The following SUMF1 variants were observed in gnomAD, a reference collection of about 807,000 sequenced individuals.
SUMF1 encodes the protein formylglycine-generating enzyme.
SUMF1 carries 48 observed loss-of-function variants against 47.6 expected under a neutral mutation model. That is an observed-to-expected ratio of 1.01 (90% CI 0.80 to 1.28). SUMF1 has a LOEUF of 1.28. SUMF1 is among the 50% of genes most tolerant of loss of function. The pLI is 0.00. For synonymous variants in SUMF1, 230 were observed against 192.1 expected, an observed-to-expected ratio of 1.20 and a Z score of -1.63; for missense variants, 571 against 485.4, an observed-to-expected ratio of 1.18 and a Z score of -1.66.
intron 8 of SUMF1, among the ~76,000 whole-genome samples, chr3:4,220,597 T>G (rs991061947): frequency 6.6e-6 from 1 of 152,078 alleles, no homozygotes; most frequent in African/African-American, 2.4e-5. Flanking sequence ...GGTGGTCAAG[T>G]GTTCTTGGAT....
intron 8 of SUMF1, among the ~76,000 whole-genome samples, chr3:4,326,838 G>GAT (rs1282290800): frequency 1.3e-5 from 2 of 151,920 alleles, no homozygotes; most frequent in African/African-American, 4.8e-5. Context: ...GGCTTTTATT[G>GAT]GCTCTCTAAC....
chr3:4,244,525 G>C (rs1696616955), intron 8 of SUMF1, among the ~76,000 whole-genome samples: 1 of 152,142 alleles, frequency 6.6e-6, no homozygotes, highest in African/African-American at 2.4e-5. Context: ...AAGCTTAGTT[G>C]GCTGGATATG....
intron 8 of SUMF1, among the ~76,000 whole-genome samples, chr3:4,135,746 C>A (rs770539946): frequency 1.9e-4 from 29 of 152,172 alleles, no homozygotes; most frequent in Non-Finnish European, 3.7e-4. Flanking sequence ...AGCCCAAAAT[C>A]TCCTTCAGCT....
intron 9 of SUMF1, among the ~76,000 whole-genome samples, chr3:4,045,974 C>T (rs1694998857): frequency 6.6e-6 from 1 of 152,094 alleles, no homozygotes. Flanking sequence ...TTGCTTGAGG[C>T]CAAGAGTCTG....
At chr3:4,285,667 T>G (rs1697618953) in intron 8 of SUMF1, among the ~76,000 whole-genome samples, 1 of 152,136 alleles carries the variant, frequency 6.6e-6, no homozygotes, top group Admixed American at 6.5e-5. Context: ...GAGGATGCAT[T>G]TTGGGCCTTA....
chr3:4,119,426 C>T (rs953263344), intron 8 of SUMF1, among the ~76,000 whole-genome samples: 12 of 152,112 alleles, frequency 7.9e-5, no homozygotes, highest in Non-Finnish European at 1.6e-4. Flanking sequence ...TTAATATACA[C>T]AGAACCTGTG....
intron 3 of SUMF1, among the ~76,000 whole-genome samples, chr3:4,421,655 T>TG (rs1489500789): frequency 7.2e-5 from 11 of 152,248 alleles, no homozygotes; most frequent in Admixed American, 4.6e-4. Flanking sequence ...AAATTTTTTG[T>TG]ATTTTTTTGT....
intron 9 of SUMF1, among the ~76,000 whole-genome samples, chr3:4,060,554 G>A (rs1456002228): frequency 2.6e-5 from 4 of 152,140 alleles, no homozygotes; most frequent in Non-Finnish European, 5.9e-5. Context: ...GTCTTGGGTA[G>A]GACCCCATAT....
chr3:4,219,895 G>C (rs952883425), intron 8 of SUMF1, among the ~76,000 whole-genome samples: 1 of 152,116 alleles, frequency 6.6e-6, no homozygotes, highest in African/African-American at 2.4e-5. Flanking sequence ...ATCCTGGGAT[G>C]TTTTAAGCCA....
chr3:4,313,099 G>C, intron 8 of SUMF1: 2 of 1,614,046 alleles, frequency 1.2e-6, no homozygotes, highest in Non-Finnish European at 1.7e-6. Context: ...TGAATGCAAT[G>C]TCCTGTGCCG....
intron 8 of SUMF1, among the ~76,000 whole-genome samples, chr3:4,237,705 T>C (rs564570779): frequency 2.3e-4 from 35 of 152,244 alleles, no homozygotes; most frequent in African/African-American, 7.5e-4. Context: ...TAAGAAGTCA[T>C]TGCCAAGCCC....
intron 3 of SUMF1, among the ~76,000 whole-genome samples, chr3:4,441,389 T>TC (rs1341445068): frequency 6.6e-6 from 1 of 152,224 alleles, no homozygotes; most frequent in Non-Finnish European, 1.5e-5. Flanking sequence ...TATCATTATT[T>TC]CATTATATAT....
chr3:4,336,094 C>G (rs533560910), intron 8 of SUMF1, among the ~76,000 whole-genome samples: 1 of 151,926 alleles, frequency 6.6e-6, no homozygotes, highest in South Asian at 2.1e-4. Flanking sequence ...CAAAAAGTGA[C>G]TGAGGGAGGT....
chr3:4,251,035 CATAG>C (rs1161899243), intron 8 of SUMF1, among the ~76,000 whole-genome samples: 3 of 152,076 alleles, frequency 2.0e-5, no homozygotes, highest in African/African-American at 7.2e-5. Context: ...CTATAGCTGC[CATAG>C]ATAATGATTC....
chr3:4,245,844 T>G (rs1354929932), intron 8 of SUMF1, among the ~76,000 whole-genome samples: 1 of 152,194 alleles, frequency 6.6e-6, no homozygotes, highest in Admixed American at 6.5e-5. Context: ...GCCCTGCCCC[T>G]AGAGGTGGAA....
At chr3:4,313,617 AT>A in intron 8 of SUMF1, 1 of 1,614,120 alleles carries the variant, frequency 6.2e-7, no homozygotes, top group South Asian at 1.1e-5. Context: ...GTGGTGCCAA[AT>A]CATGTACTGC....
At chr3:4,042,971 C>T (rs906957231) in intron 9 of SUMF1, among the ~76,000 whole-genome samples, 3 of 152,114 alleles carry the variant, frequency 2.0e-5, no homozygotes, top group African/African-American at 7.2e-5. Context: ...ATTCACTGCC[C>T]TTCTCCACAT....
intron 7 of SUMF1, among the ~76,000 whole-genome samples, chr3:4,392,179 A>G (rs1433454015): frequency 6.6e-6 from 1 of 151,578 alleles, no homozygotes; most frequent in African/African-American, 2.4e-5. Context: ...TTCTTCTACC[A>G]TTTCTTATCT....
intron 8 of SUMF1, among the ~76,000 whole-genome samples, chr3:4,234,553 T>C (rs1289869966): frequency 2.6e-5 from 4 of 152,164 alleles, no homozygotes; most frequent in African/African-American, 7.2e-5. Context: ...TTCATATATA[T>C]ACAGAACTCA....
Sources: gnomAD v4.1 joint callset for allele counts (sites outside exome capture counted in the v4.1 genomes callset) on GRCh38, gnomAD v4.1.1 for gene constraint, MANE v1.5 for transcripts, NCBI Gene and HGNC (gene_info 2026-07-23, HGNC 2026-07-21) for gene names.